The following ATP7A variants were observed in gnomAD, a reference collection of about 807,000 sequenced individuals.
ATP7A encodes copper-transporting ATPase 1.
A neutral mutation model predicts 83.5 loss-of-function variants in ATP7A; 7 were observed. That is an observed-to-expected ratio of 0.08 (90% CI 0.05 to 0.16). ATP7A has a LOEUF of 0.16. ATP7A is among the 10% of genes least tolerant of loss of function. ATP7A has a pLI of 1.00. For synonymous variants in ATP7A, 354 were observed against 395.2 expected (o/e 0.90, Z 1.24); for missense variants, 940 against 1,120.8 (o/e 0.84, Z 2.30).
chrX:78,007,661 T>TA (rs2077786460), intron 6 of ATP7A, among the ~76,000 whole-genome samples: 1 of 112,552 alleles, frequency 8.9e-6, no homozygotes, highest in Non-Finnish European at 1.9e-5. Flanking sequence ...TTTGTCTTTT[T>TA]ATTACTGAGT....
Position 78,002,799 on chromosome X carries a change from TAC to T in ATP7A, c.1544-230_1544-229del, listed in dbSNP as rs781808445. 0.18 allele frequency among the ~76,000 whole-genome samples: 15,804 copies of T among 86,794 alleles called. 1,236 individuals are homozygous for T. The highest frequency in any genetic ancestry group is 0.26 in the Admixed American group (1,956 of 7,485). 75.4% of individuals were successfully genotyped at this position (86,794 alleles called of 115,157 possible). A position where few individuals can be genotyped will look rare whatever the true frequency, so the allele number is the denominator to read the frequency against. On this transcript the variant is annotated intron_variant, in intron 5 of 22. Transcript: ENST00000341514. Reference sequence around the variant, plus strand: ...GTACGTCAAGTTTATTATGTTCTTATACACACACACACACACACACACACACA... The same window carrying T: ...GTACGTCAAGTTTATTATGTTCTTATACACACACACACACACACACACACA...
At chrX:77,916,553 A>G (rs1788097830) in intron 1 of ATP7A, among the ~76,000 whole-genome samples, 1 of 110,299 alleles carries the variant, frequency 9.1e-6, no homozygotes, top group African/African-American at 3.3e-5. Context: ...TGCTTCTGTA[A>G]TTAGTGAGCC....
rs1326169199 is a variant in ATP7A at position 77,937,866 on chromosome X, T to TTCTC, written c.-22+27050_-22+27053dup. Among the ~76,000 whole-genome samples the TTCTC allele has an allele frequency of 5.0e-5, 5 of 100,450 alleles. No homozygotes were observed. In the East Asian group the frequency reaches 9.6e-4, roughly 19 times the overall value. 87.2% of individuals were successfully genotyped at this position (100,450 alleles called of 115,157 possible). On this transcript the variant is annotated intron_variant, in intron 1 of 22. Transcript: ENST00000341514. ...AGGGATTTTGGAGGTGATGGGATGG[T>TTCTC]TCTCTCTCTCTCTCTCTCTCTCACA...
chrX:78,043,392 T>C lies in ATP7A; in HGVS notation c.4081T>C (p.Phe1361Leu), dbSNP rs2078062444. The C allele has an allele frequency of 1.7e-6, 2 of 1,207,695 alleles. No individual in the cohort carries two copies. The highest frequency in any genetic ancestry group is 1.1e-6 in the Non-Finnish European group (1 of 893,421). The change falls in exon 21 of 23, where the codon TTT becomes CTT. Residue 1361 changes from phenylalanine to leucine, a missense_variant. Physicochemically the swap from Phe to Leu is conservative, Grantham distance 22 (BLOSUM62 0). Transcript: ENST00000341514. ...CAAGAGGATTCGGATAAATTTTGTC[T>C]TTGCTCTAATTTATAATCTGGTTGG... ...TVKRIRINFV[F>L]ALIYNLVGIP...
At position 78,046,680 on chromosome X, in the gene ATP7A, AT is replaced by A; in HGVS notation, c.*112del. The A allele has an allele frequency of 9.8e-7, 1 of 1,025,206 alleles. No individual in the cohort carries two copies. Among genetic ancestry groups the A allele is most frequent in the Non-Finnish European group, 1.4e-6 (1 of 736,266 alleles). The allele number at this position is 1,025,206 out of a possible 1,213,427, so 84.5% of individuals were successfully genotyped here. A position where few individuals can be genotyped will look rare whatever the true frequency, so the allele number is the denominator to read the frequency against. ...AGAAGGATTTTTCTCATGCTCTTAT[AT>A]TAGGGATTCTATTTGAGTTGCGTTT... On this transcript the variant is annotated 3_prime_UTR_variant, in exon 23 of 23. Coordinates refer to ENST00000341514, the MANE Select transcript of ATP7A (RefSeq NM_000052.7).
chrX:78,037,036 G>C (rs1380125391), intron 17 of ATP7A, among the ~76,000 whole-genome samples: 1 of 111,886 alleles, frequency 8.9e-6, no homozygotes. Context: ...GCAGTTAGAA[G>C]GATGGAGTTA....
chrX:78,020,035 G>A (rs1343544892), intron 12 of ATP7A, among the ~76,000 whole-genome samples: 2 of 112,362 alleles, frequency 1.8e-5, no homozygotes, highest in East Asian at 2.8e-4. Flanking sequence ...CTGCCAACAA[G>A]AGCTACCATA....
At chrX:78,038,581 A>G (rs1603390526) in intron 17 of ATP7A, among the ~76,000 whole-genome samples, 1 of 111,704 alleles carries the variant, frequency 9.0e-6, no homozygotes, top group East Asian at 2.8e-4. Flanking sequence ...TGGCTCTTGA[A>G]GAATGTGATT....
rs782240491 is a variant in ATP7A, at chrX:78,012,915, A to G, written c.2209A>G (p.Lys737Glu). The G allele has an allele frequency of 8.3e-7, 1 of 1,211,649 alleles. No homozygotes were observed. Among genetic ancestry groups the G allele is most frequent in the Admixed American group, 2.2e-5 (1 of 45,999 alleles). ...GGWYFYIQAY[K>E]ALKHKTANMD... The stretch of plus-strand genomic sequence containing the variant: ...CTGGTACTTCTACATTCAGGCTTAT[A>G]AAGCACTGAAGCATAAGACAGCAAA... The change falls in exon 10 of 23, where the codon AAA (lysine) becomes GAA (glutamate). Residue 737 changes from lysine (K) to glutamate (E), a missense_variant. Transcript: ENST00000341514.
At chrX:77,966,899 C>T (rs781933331) in intron 1 of ATP7A, 11 of 305,117 alleles carry the variant, frequency 3.6e-5, no homozygotes, top group Non-Finnish European at 6.5e-5. Flanking sequence ...AGTTTCCTCC[C>T]CTCACCCCTC....
intron 2 of ATP7A, among the ~76,000 whole-genome samples, chrX:77,978,941 C>T (rs2077590596): frequency 9.0e-6 from 1 of 111,012 alleles, no homozygotes; most frequent in Non-Finnish European, 1.9e-5. Context: ...AAGTGATTCT[C>T]CTGTCTCAGC....
At chrX:77,951,735 A>G (rs2077414552) in intron 1 of ATP7A, among the ~76,000 whole-genome samples, 1 of 110,917 alleles carries the variant, frequency 9.0e-6, no homozygotes, top group African/African-American at 3.3e-5. Flanking sequence ...ATGCACCACC[A>G]TGCCCAGCTA....
chrX:77,979,477 A>G (rs2077593510), intron 2 of ATP7A, among the ~76,000 whole-genome samples: 1 of 112,192 alleles, frequency 8.9e-6, no homozygotes, highest in African/African-American at 3.2e-5. Context: ...AAGTTTACCT[A>G]TATCACAAAC....
At chrX:78,040,562 T>G (rs1199734724) in intron 18 of ATP7A, 29 bp from the exon 19 acceptor site, 2 of 1,200,064 alleles carry the variant, frequency 1.7e-6, no homozygotes, top group Non-Finnish European at 2.3e-6. Flanking sequence ...TATTCCAAGT[T>G]CTTTTATTTT....
chrX:77,957,682 T>C (rs928037032), intron 1 of ATP7A, among the ~76,000 whole-genome samples: 12 of 111,110 alleles, frequency 1.1e-4, no homozygotes, highest in African/African-American at 3.6e-4. Context: ...TCTGTGCTTT[T>C]GAGGTCCACT....
chrX:77,972,123 A>G (rs184412702), intron 2 of ATP7A, among the ~76,000 whole-genome samples: 1,281 of 111,256 alleles, frequency 0.012, 56 homozygotes, highest in Admixed American at 0.11. Flanking sequence ...CTTTTATAAC[A>G]TGGTGATTAT....
intron 1 of ATP7A, among the ~76,000 whole-genome samples, chrX:77,958,092 T>C (rs2149064946): frequency 9.0e-6 from 1 of 110,787 alleles, no homozygotes; most frequent in African/African-American, 3.3e-5. Flanking sequence ...GTTTGTTAGT[T>C]TGTTTTTCAC....
intron 16 of ATP7A, among the ~76,000 whole-genome samples, chrX:78,031,884 T>C (rs2077985896): frequency 8.9e-6 from 1 of 111,768 alleles, no homozygotes; most frequent in Admixed American, 9.5e-5. Context: ...ATAATGAAAA[T>C]TGTAAACCTC....
chrX:77,947,549 C>T (rs2077386964), intron 1 of ATP7A, among the ~76,000 whole-genome samples: 1 of 109,156 alleles, frequency 9.2e-6, no homozygotes, highest in Non-Finnish European at 1.9e-5. Context: ...AGTGATTCTC[C>T]TGCCTCAGCC....
Sources: allele counts gnomAD v4.1 joint callset (sites outside exome capture counted in the v4.1 genomes callset), GRCh38; gene constraint gnomAD v4.1.1; transcripts MANE v1.5; gene names NCBI Gene and HGNC (gene_info 2026-07-23, HGNC 2026-07-21).